SLC6A17: variants seen among roughly 807,000 people sequenced by gnomAD.
SLC6A17 encodes sodium-dependent neutral amino acid transporter SLC6A17.
Under a neutral mutation model 64.5 loss-of-function variants are expected in SLC6A17, and 21 were observed. That is an observed-to-expected ratio of 0.33 (90% CI 0.23 to 0.47). The LOEUF is 0.47. Ranked by LOEUF, SLC6A17 falls within the 20% of genes least tolerant of loss-of-function variation. The pLI, the probability that SLC6A17 is intolerant of heterozygous loss-of-function variation, is 1.00. For synonymous variants in SLC6A17, 372 were observed against 399.5 expected, an observed-to-expected ratio of 0.93 and a Z score of 0.82; for missense variants, 682 against 963.2, an observed-to-expected ratio of 0.71 and a Z score of 3.86.
At chr1:110,180,309 C>A (rs934975129) in intron 6 of SLC6A17, among the ~76,000 whole-genome samples, 2 of 152,170 alleles carry the variant, frequency 1.3e-5, no homozygotes, top group African/African-American at 4.8e-5. Context: ...TAAAATCATT[C>A]CTTCTTATAT....
intron 1 of SLC6A17, among the ~76,000 whole-genome samples, chr1:110,162,039 A>G (rs1213658915): frequency 3.9e-5 from 6 of 152,238 alleles, no homozygotes; most frequent in African/African-American, 1.2e-4. Flanking sequence ...TCTGTTGCTA[A>G]GTGACAAGCT....
chr1:110,151,122 A>G (rs1243037938), intron 1 of SLC6A17, among the ~76,000 whole-genome samples: 1 of 152,168 alleles, frequency 6.6e-6, no homozygotes, highest in Non-Finnish European at 1.5e-5. Flanking sequence ...CGGCGTACGC[A>G]CGGGTTGGAC....
At chr1:110,159,627 G>A (rs571911529) in intron 1 of SLC6A17, among the ~76,000 whole-genome samples, 37 of 152,324 alleles carry the variant, frequency 2.4e-4, no homozygotes, top group African/African-American at 8.9e-4. Context: ...ATTTCCCTGA[G>A]GTGAGGATGG....
At chr1:110,186,717 CACTGTTCATACAA>C (rs530344697) in intron 6 of SLC6A17, among the ~76,000 whole-genome samples, 102 of 152,282 alleles carry the variant, frequency 6.7e-4, no homozygotes, top group Middle Eastern at 6.8e-3. Flanking sequence ...CACGTGCCAG[CACTGTTCATACAA>C]ACAGGAGAGG....
chr1:110,186,161 G>T (rs894559954), intron 6 of SLC6A17, among the ~76,000 whole-genome samples: 1 of 152,090 alleles, frequency 6.6e-6, no homozygotes, highest in African/African-American at 2.4e-5. Flanking sequence ...TCTATCCAAA[G>T]TTGTTGAATA....
chr1:110,193,935 G>A (rs866117519), intron 8 of SLC6A17, among the ~76,000 whole-genome samples: 1 of 152,222 alleles, frequency 6.6e-6, no homozygotes, highest in Non-Finnish European at 1.5e-5. Context: ...ACAGGGCAAC[G>A]TGTAAGTGAC....
Position 110,172,068 on chromosome 1 carries a change from C to G in SLC6A17, c.295C>G (p.Leu99Val). The G allele has an allele frequency of 6.2e-7, 1 of 1,614,084 alleles. No homozygotes were observed. Among genetic ancestry groups the G allele is most frequent in the Non-Finnish European group, 8.5e-7 (1 of 1,179,992 alleles). Residue 99 changes from leucine to valine, a missense_variant, in exon 3 of 12, where the codon CTG (leucine) becomes GTG (valine). Transcript: ENST00000331565. Reference sequence around the variant, plus strand: ...CTCTGCTCTCCCCACAGGTGCTTACCTGGTGCCCTACCTGGTGCTGCTGAT... The same window carrying G: ...CTCTGCTCTCCCCACAGGTGCTTACGTGGTGCCCTACCTGGTGCTGCTGAT... ...LCQKNGGGAY[L>V]VPYLVLLIII...
chr1:110,166,876 A>G lies in SLC6A17; in HGVS notation c.-54A>G. ...ATGAGAAGGAGCTGACAGCAGCTGA[A>G]TTCCATCTTCTCTGTGTGCTGGGGA... is the stretch of plus-strand genomic sequence containing the variant. On this transcript the variant is annotated 5_prime_UTR_variant, in exon 2 of 12. Transcript: ENST00000331565. The G allele has an allele frequency of 6.5e-7, 1 of 1,540,754 alleles. No homozygotes were observed. Among genetic ancestry groups the G allele is most frequent in the South Asian group, 1.3e-5 (1 of 78,396 alleles).
In SLC6A17 at chr1:110,198,644, G is replaced by T; in HGVS notation, c.*200G>T. 1.1e-6 allele frequency: 1 copy of T among 910,752 alleles called. No homozygotes were observed. The highest frequency in any genetic ancestry group is 1.6e-6 in the Non-Finnish European group (1 of 634,668). The allele number at this position is 910,752 out of a possible 1,614,324, so 56.4% of individuals were successfully genotyped here. A position where few individuals can be genotyped will look rare whatever the true frequency, so the allele number is the denominator to read the frequency against. On this transcript the variant is annotated 3_prime_UTR_variant, in exon 12 of 12. Coordinates refer to ENST00000331565, the MANE Select transcript of SLC6A17 (RefSeq NM_001010898.4). ...TGAGCAGGAGGCTGGGAGCAGCTCT[G>T]TTTCCTAATTCAGGACCCCACTCAT... is the stretch of plus-strand genomic sequence containing the variant.
intron 10 of SLC6A17, 80 bp downstream of exon 10, chr1:110,195,825 G>A: frequency 6.3e-7 from 1 of 1,575,382 alleles, no homozygotes; most frequent in Admixed American, 1.7e-5. Context: ...AGATCATAGA[G>A]TCACAATGGC....
chr1:110,184,950 C>T (rs895282068), intron 6 of SLC6A17, among the ~76,000 whole-genome samples: 1 of 152,118 alleles, frequency 6.6e-6, no homozygotes, highest in Admixed American at 6.5e-5. Context: ...TCGGGGTGTG[C>T]ATCAACTCCT....
At chr1:110,160,774 C>T (rs1336037764) in intron 1 of SLC6A17, among the ~76,000 whole-genome samples, 1 of 152,062 alleles carries the variant, frequency 6.6e-6, no homozygotes, top group African/African-American at 2.4e-5. Context: ...AAGTGGAAGC[C>T]GAGGCCCGGG....
intron 1 of SLC6A17, among the ~76,000 whole-genome samples, chr1:110,155,332 A>T (rs981699054): frequency 5.5e-4 from 84 of 152,070 alleles, no homozygotes; most frequent in South Asian, 2.3e-3. Context: ...AGTTTTTTTT[A>T]AAAAATACAT....
At chr1:110,173,897 T>TCGGTGGTCGCC in intron 3 of SLC6A17, 76 bp from the exon 4 acceptor site, 2 of 1,528,728 alleles carry the variant, frequency 1.3e-6, no homozygotes, top group Non-Finnish European at 8.8e-7. Flanking sequence ...GCCGACGTGC[T>TCGGTGGTCGCC]GGGCCTCGGG....
rs749558390 is a variant in SLC6A17 at position 110,167,266 on chromosome 1, A to T, written c.286+51A>T. ...GGGGTCCCCTGCAAATAGGCCGGGG[A>T]TGAGGGGTAAAAAAGAACACCCCTT... On this transcript the variant is annotated intron_variant, in intron 2 of 11. Transcript: ENST00000331565. 5 of 1,563,606 alleles carry T rather than the reference A, an allele frequency of 3.2e-6. No individual in the cohort carries two copies. The South Asian group carries it at 4.8e-5, about 15-fold the overall frequency.
At chr1:110,188,457 C>G (rs955544753) in intron 6 of SLC6A17, among the ~76,000 whole-genome samples, 1 of 152,206 alleles carries the variant, frequency 6.6e-6, no homozygotes, top group Non-Finnish European at 1.5e-5. Context: ...GACCTTCCTT[C>G]CGGCATACTC....
In SLC6A17 at chr1:110,175,311, G is replaced by T. The variant is rs76325128; in HGVS notation, c.753+351G>T. Among the ~76,000 whole-genome samples, 648 of 152,332 alleles carry T rather than the reference G, an allele frequency of 4.3e-3. 8 individuals carry two copies. The highest frequency in any genetic ancestry group is 0.015 in the African/African-American group (603 of 41,570). On this transcript the variant is annotated intron_variant, in intron 5 of 11. Coordinates refer to ENST00000331565, the MANE Select transcript of SLC6A17 (RefSeq NM_001010898.4). ...GTTCCCAAGAGCAAAAGCCCTAGAA[G>T]AGCCTGCTTTGAGCAGTTCTTGGTG...
intron 2 of SLC6A17, among the ~76,000 whole-genome samples, chr1:110,169,966 G>A (rs1244439578): frequency 3.3e-5 from 5 of 152,188 alleles, no homozygotes; most frequent in East Asian, 1.9e-4. Flanking sequence ...TCAGGGCCTG[G>A]CGGCCTGCCT....
chr1:110,154,358 C>T (rs1332920037), intron 1 of SLC6A17, among the ~76,000 whole-genome samples: 2 of 152,138 alleles, frequency 1.3e-5, no homozygotes, highest in Admixed American at 1.3e-4. Context: ...GATACTTTTC[C>T]GCAATACATT....
Sources: allele counts gnomAD v4.1 joint callset (sites outside exome capture counted in the v4.1 genomes callset), GRCh38; gene constraint gnomAD v4.1.1; transcripts MANE v1.5; gene names NCBI Gene and HGNC (gene_info 2026-07-23, HGNC 2026-07-21).